LAMA3: variants seen among roughly 807,000 people sequenced by gnomAD.
LAMA3 encodes the protein laminin subunit alpha 3.
Under a neutral mutation model 402.0 loss-of-function variants are expected in LAMA3, and 281 were observed. That is an observed-to-expected ratio of 0.70 (90% CI 0.63 to 0.77). The LOEUF (loss-of-function observed/expected upper bound fraction) is 0.77. LAMA3 is among the 30% of genes least tolerant of loss of function. LAMA3 has a pLI of 0.00. For synonymous variants in LAMA3, 1,431 were observed against 1,558.4 expected (o/e 0.92, Z 1.93); for missense variants, 3,840 against 4,215.5 (o/e 0.91, Z 2.47).
intron 66 of LAMA3, 36 bp from the exon 67 acceptor site, chr18:23,933,745 AG>A (rs1568362365): frequency 6.2e-7 from 1 of 1,612,246 alleles, no homozygotes. Flanking sequence ...GACATGTCCA[AG>A]TTTGGCAGCA....
At chr18:23,723,789 A>C (rs890494779) in intron 2 of LAMA3, among the ~76,000 whole-genome samples, 1 of 152,184 alleles carries the variant, frequency 6.6e-6, no homozygotes, top group African/African-American at 2.4e-5. Context: ...CTTGTGAGAA[A>C]TTAATCAGAT....
chr18:23,791,611 G>A (rs1411712240), intron 12 of LAMA3, among the ~76,000 whole-genome samples: 1 of 151,812 alleles, frequency 6.6e-6, no homozygotes. Context: ...GTGCATGCCT[G>A]TATTTCCAGC....
chr18:23,925,509 C>T (rs1029497162), intron 62 of LAMA3, among the ~76,000 whole-genome samples: 2 of 152,156 alleles, frequency 1.3e-5, no homozygotes, highest in Non-Finnish European at 2.9e-5. Context: ...ATCTATTGAA[C>T]ATCGACTAAG....
chr18:23,734,161 G>A (rs2061436317), intron 2 of LAMA3, among the ~76,000 whole-genome samples: 1 of 152,192 alleles, frequency 6.6e-6, no homozygotes, highest in Non-Finnish European at 1.5e-5. Flanking sequence ...AGGACAGTGG[G>A]GCCAAACTGG....
rs1164090185 is a variant in LAMA3, at chr18:23,847,329, G to A, written c.3932-135G>A. The A allele has an allele frequency of 1.1e-5, 10 of 935,784 alleles. No individual in the cohort carries two copies. In the East Asian group the frequency reaches 1.8e-4, roughly 17 times the overall value. 58.0% of individuals were successfully genotyped at this position (935,784 alleles called of 1,614,324 possible). A position where few individuals can be genotyped will look rare whatever the true frequency, so the allele number is the denominator to read the frequency against. ...TTGGTGTGGTTGGTCTTGACTCCAA[G>A]AAATGGGCCTTTCAGATCCAAATAT... On this transcript the variant is annotated intron_variant, in intron 31 of 74. Coordinates refer to ENST00000313654, the MANE Select transcript of LAMA3 (RefSeq NM_198129.4).
intron 71 of LAMA3, 44 bp from the exon 72 acceptor site, chr18:23,949,985 T>C: frequency 6.2e-7 from 1 of 1,614,182 alleles, no homozygotes; most frequent in African/African-American, 1.3e-5. Context: ...CCTGTTTTCT[T>C]TCATGGTGAT....
Position 23,904,562 on chromosome 18 carries a change from A to T in LAMA3, c.6483A>T (p.Arg2161Ser), listed in dbSNP as rs2081179681. Residue 2161 changes from arginine to serine, a missense_variant, in exon 51 of 75, where the codon AGA (arginine) becomes AGT (serine). Transcript: ENST00000313654. ...ELAKQLEEIK[R>S]NASGDELVRC... ...CTGCCCTGTCTTCCAGGATCAAGAG[A>T]AACGCCAGCGGGGATGAGCTGGTGC... is the stretch of plus-strand genomic sequence containing the variant. The T allele has an allele frequency of 6.3e-7, 1 of 1,594,460 alleles. No homozygotes were observed. Among genetic ancestry groups the T allele is most frequent in the East Asian group, 2.3e-5 (1 of 44,224 alleles).
rs774708352 is a variant in LAMA3, at chr18:23,814,425, A to G, written c.1811A>G (p.His604Arg). The change falls in exon 15 of 75, where the codon CAT becomes CGT. Residue 604 changes from histidine (H) to arginine (R), a missense_variant. Around this residue, in one of 3 missense-constraint regions of LAMA3, gnomAD observed 2,109 missense variants for 2,376.0 expected, o/e 0.89. Transcript: ENST00000313654. The part of the protein sequence containing the change: ...SNLGYCQCKL[H>R]VEGPTCSRCK... ...AAGGGGTATTGCCAATGCAAGCTTCATGTTGAAGGTCCTACTTGTAGCCGC... is the reference window on the plus strand; with the variant it reads ...AAGGGGTATTGCCAATGCAAGCTTCGTGTTGAAGGTCCTACTTGTAGCCGC... The G allele has an allele frequency of 1.9e-6, 3 of 1,613,360 alleles. No homozygotes were observed. Among genetic ancestry groups the G allele is most frequent in the Admixed American group, 3.3e-5 (2 of 60,028 alleles).
intron 1 of LAMA3, among the ~76,000 whole-genome samples, chr18:23,693,180 C>G (rs2060624658): frequency 6.6e-6 from 1 of 152,076 alleles, no homozygotes; most frequent in Non-Finnish European, 1.5e-5. Flanking sequence ...CCCGTTTCTA[C>G]TAAAAATACA....
At position 23,763,577 on chromosome 18, in the gene LAMA3, A is replaced by G. The variant is rs895581577; in HGVS notation, c.1182+54A>G. The G allele has an allele frequency of 7.0e-5, 75 of 1,066,654 alleles. No homozygotes were observed. The African/African-American group carries it at 9.8e-4, about 14-fold the overall frequency. The allele number at this position is 1,066,654 out of a possible 1,614,324, so 66.1% of individuals were successfully genotyped here. ...GTGTTGTCATGGGGAATGAGTATTC[A>G]GTAAGCTCTGCTCCTGAAGAGATGT... On this transcript the variant is annotated intron_variant, in intron 8 of 74. Coordinates refer to ENST00000313654, the MANE Select transcript of LAMA3 (RefSeq NM_198129.4).
At chr18:23,725,932 T>C (rs1197162185) in intron 2 of LAMA3, among the ~76,000 whole-genome samples, 1 of 152,242 alleles carries the variant, frequency 6.6e-6, no homozygotes, top group Non-Finnish European at 1.5e-5. Flanking sequence ...CATACTCTGT[T>C]CCATAGGTTT....
Position 23,931,186 on chromosome 18 carries a change from T to G in LAMA3, c.8561T>G (p.Ile2854Arg), listed in dbSNP as rs2082152855. 1.9e-6 allele frequency: 3 copies of G among 1,612,882 alleles called. No individual in the cohort carries two copies. Among genetic ancestry groups the G allele is most frequent in the Non-Finnish European group, 2.5e-6 (3 of 1,178,800 alleles). ...MDGLLHYVSV[I>R]SDNSGLRLLI... ...GGTTTACTGCATTATGTATCTGTAA[T>G]AAGCGACAACTCTGGGTGAGTGGAA... The change falls in exon 65 of 75, where the codon ATA (isoleucine) becomes AGA (arginine). Residue 2854 changes from isoleucine (I) to arginine (R), a missense_variant. Ile to Arg is a moderately conservative substitution (Grantham distance 97, BLOSUM62 -3). This residue lies in a region of LAMA3 where 840 missense variants were observed against 981.9 expected (regional missense o/e 0.86). Transcript: ENST00000313654.
chr18:23,836,033 A>T (rs1467822655), intron 24 of LAMA3, among the ~76,000 whole-genome samples: 1 of 152,168 alleles, frequency 6.6e-6, no homozygotes, highest in African/African-American at 2.4e-5. Flanking sequence ...GGATAAGGAT[A>T]AAACTAAGTA....
At chr18:23,749,873 T>C (rs1164042212) in intron 4 of LAMA3, among the ~76,000 whole-genome samples, 1 of 152,174 alleles carries the variant, frequency 6.6e-6, no homozygotes, top group Non-Finnish European at 1.5e-5. Flanking sequence ...TCTTCACCTA[T>C]GATCCCATGA....
chr18:23,707,078 C>CA (rs766096341), intron 1 of LAMA3, among the ~76,000 whole-genome samples: 12 of 151,682 alleles, frequency 7.9e-5, no homozygotes, highest in East Asian at 3.9e-4. Flanking sequence ...AACTCCGTCT[C>CA]AAAAAAAACA....
At chr18:23,840,473 C>G (rs2063676878) in intron 27 of LAMA3, among the ~76,000 whole-genome samples, 1 of 149,400 alleles carries the variant, frequency 6.7e-6, no homozygotes. Context: ...GCCTCCAACT[C>G]CTGGGCTCAG....
At chr18:23,772,039 G>A (rs552271846) in intron 8 of LAMA3, among the ~76,000 whole-genome samples, 3 of 143,832 alleles carry the variant, frequency 2.1e-5, no homozygotes, top group Non-Finnish European at 3.0e-5. Context: ...ACTTCTGATC[G>A]AAGTCTTTTT....
chr18:23,837,581 A>ATATATATATATATAT (rs2063612024), intron 25 of LAMA3, among the ~76,000 whole-genome samples: 1 of 142,020 alleles, frequency 7.0e-6, no homozygotes, highest in Non-Finnish European at 1.5e-5. Flanking sequence ...ATATATATAT[A>ATATATATATATATAT]TATATATATA....
chr18:23,815,093 C>G (rs2063149630), intron 15 of LAMA3, 95 bp from the exon 16 acceptor site: 1 of 1,119,290 alleles, frequency 8.9e-7, no homozygotes, highest in African/African-American at 1.5e-5. Flanking sequence ...GCAAGGCCAA[C>G]TGCACACGTT....
Sources: allele counts gnomAD v4.1 joint callset (sites outside exome capture counted in the v4.1 genomes callset), GRCh38; gene constraint gnomAD v4.1.1; regional missense constraint gnomAD v4.1.1; transcripts MANE v1.5; gene names NCBI Gene and HGNC (gene_info 2026-07-23, HGNC 2026-07-21).